Variants in MAPK8 observed in about 807,000 individuals in gnomAD.
MAPK8 encodes JUN N-terminal kinase.
Under a neutral mutation model 52.9 loss-of-function variants are expected in MAPK8, and 13 were observed. The observed-to-expected ratio is 0.25, with a 90% confidence interval of 0.16 to 0.39. The LOEUF (loss-of-function observed/expected upper bound fraction) is 0.39. Among genes scored for constraint, MAPK8 ranks in the 10% least tolerant of loss-of-function variants. The pLI is 1.00. For missense variants in MAPK8, 300 were observed against 519.2 expected, an observed-to-expected ratio of 0.58 and a Z score of 4.10; for synonymous variants, 191 against 169.8, an observed-to-expected ratio of 1.12 and a Z score of -0.97.
intron 1 of MAPK8, among the ~76,000 whole-genome samples, chr10:48,393,811 T>C (rs2041750626): frequency 6.6e-6 from 1 of 151,578 alleles, no homozygotes; most frequent in Non-Finnish European, 1.5e-5. Context: ...AAACAAGCAA[T>C]GAGAAGAAAA....
At chr10:48,362,132 C>G (rs1645525564) in intron 1 of MAPK8, among the ~76,000 whole-genome samples, 1 of 152,100 alleles carries the variant, frequency 6.6e-6, no homozygotes. Context: ...TTTATGAAAC[C>G]TGTATGCCCA....
chr10:48,348,896 A>G (rs1846035513), intron 1 of MAPK8, among the ~76,000 whole-genome samples: 1 of 151,242 alleles, frequency 6.6e-6, no homozygotes, highest in Non-Finnish European at 1.5e-5. Context: ...GTGCAAAGAC[A>G]CTCATAGGCT....
At chr10:48,329,608 T>C (rs1279551533) in intron 1 of MAPK8, among the ~76,000 whole-genome samples, 1 of 152,178 alleles carries the variant, frequency 6.6e-6, no homozygotes, top group African/African-American at 2.4e-5. Context: ...AAACACTTCA[T>C]AAGGCACAGA....
At chr10:48,348,619 C>T (rs1388918269) in intron 1 of MAPK8, among the ~76,000 whole-genome samples, 10 of 152,154 alleles carry the variant, frequency 6.6e-5, no homozygotes, top group African/African-American at 2.4e-4. Context: ...AGCCAGTTTT[C>T]CCAACACCAT....
At chr10:48,383,365 A>C (rs1384292018) in intron 1 of MAPK8, among the ~76,000 whole-genome samples, 1 of 152,242 alleles carries the variant, frequency 6.6e-6, no homozygotes, top group Non-Finnish European at 1.5e-5. Context: ...GGAAATCAAA[A>C]GCTGTTCATG....
At chr10:48,321,971 T>TA (rs1218700340) in intron 1 of MAPK8, among the ~76,000 whole-genome samples, 3 of 152,226 alleles carry the variant, frequency 2.0e-5, no homozygotes, top group African/African-American at 2.4e-5. Context: ...GGTGTGTGTG[T>TA]AATGGGTTAT....
At chr10:48,415,525 A>C (rs1449531455) in intron 5 of MAPK8, among the ~76,000 whole-genome samples, 5 of 152,226 alleles carry the variant, frequency 3.3e-5, no homozygotes. Flanking sequence ...TTGGCAGCAC[A>C]CAAGGCTCAA....
At chr10:48,403,907 C>A (rs2042298597) in intron 2 of MAPK8, among the ~76,000 whole-genome samples, 1 of 131,116 alleles carries the variant, frequency 7.6e-6, no homozygotes, top group South Asian at 2.4e-4. Context: ...TGCCACCACG[C>A]CCGGCTAATT....
intron 5 of MAPK8, among the ~76,000 whole-genome samples, chr10:48,413,395 A>T (rs541858749): frequency 1.3e-5 from 2 of 152,276 alleles, no homozygotes; most frequent in South Asian, 4.1e-4. Context: ...ACCATTTTAC[A>T]TTCCCACCAG....
rs370242597 is a variant in MAPK8 at position 48,383,169 on chromosome 10, A to G, written c.-49-18443A>G. Among the ~76,000 whole-genome samples the G allele has an allele frequency of 6.6e-5, 10 of 152,058 alleles. No individual in the cohort carries two copies. The East Asian group carries it at 1.2e-3, about 18-fold the overall frequency. On this transcript the variant is annotated intron_variant, in intron 1 of 11. Transcript: ENST00000374189. ...CCAATAAGCCTTAAGAAAAATTTTT[A>G]TGACTTGACCAAGGATGCACAAGCC...
intron 1 of MAPK8, among the ~76,000 whole-genome samples, chr10:48,399,575 C>A (rs1329169832): frequency 6.6e-6 from 1 of 152,186 alleles, no homozygotes; most frequent in East Asian, 1.9e-4. Flanking sequence ...AGGAGCTTTT[C>A]CTTGCTGTTA....
intron 1 of MAPK8, among the ~76,000 whole-genome samples, chr10:48,326,955 G>GT (rs1017536757): frequency 6.6e-6 from 1 of 151,174 alleles, no homozygotes. Context: ...TTGTTTGTTT[G>GT]TTTTTTGTTG....
chr10:48,345,870 G>C lies in MAPK8; in HGVS notation c.-50+39049G>C, dbSNP rs1845721865. Among the ~76,000 whole-genome samples, 7 of 152,324 alleles carry C rather than the reference G, an allele frequency of 4.6e-5. No individual in the cohort carries two copies. The South Asian group carries it at 1.5e-3, about 32-fold the overall frequency. On this transcript the variant is annotated intron_variant, in intron 1 of 11. Transcript: ENST00000374189. ...GCTCTTTAGCTGGGGACCAGGAAAA[G>C]GGTAGCCTAGCAAGACAGAAAATAA...
At chr10:48,354,083 CTG>C (rs1393205985) in intron 1 of MAPK8, among the ~76,000 whole-genome samples, 4 of 152,110 alleles carry the variant, frequency 2.6e-5, no homozygotes, top group Non-Finnish European at 5.9e-5. Context: ...ATGGGAGAAA[CTG>C]GGTGCAGGGT....
chr10:48,350,523 G>A (rs531539835), intron 1 of MAPK8, among the ~76,000 whole-genome samples: 44 of 152,262 alleles, frequency 2.9e-4, no homozygotes, highest in Middle Eastern at 3.4e-3. Context: ...AAAACCACAT[G>A]ATTATCTCAA....
chr10:48,388,909 G>A (rs2041471694), intron 1 of MAPK8, among the ~76,000 whole-genome samples: 1 of 152,084 alleles, frequency 6.6e-6, no homozygotes, highest in Non-Finnish European at 1.5e-5. Context: ...TTAGTAGGCA[G>A]TCTCCTAAGG....
At chr10:48,363,159 C>T (rs995124222) in intron 1 of MAPK8, among the ~76,000 whole-genome samples, 4 of 151,668 alleles carry the variant, frequency 2.6e-5, no homozygotes, top group Admixed American at 2.0e-4. Context: ...GCCATCCTCA[C>T]GCCTCAGCCT....
At chr10:48,408,028 T>C (rs2042561553) in intron 3 of MAPK8, among the ~76,000 whole-genome samples, 1 of 152,198 alleles carries the variant, frequency 6.6e-6, no homozygotes, top group African/African-American at 2.4e-5. Flanking sequence ...GGTGTATTAT[T>C]TTTCCGAATT....
At chr10:48,371,763 A>G (rs140000267) in intron 1 of MAPK8, among the ~76,000 whole-genome samples, 9 of 152,262 alleles carry the variant, frequency 5.9e-5, no homozygotes, top group African/African-American at 9.6e-5. Flanking sequence ...TGCCAGTCAC[A>G]GGCATAAGTT....
Sources: allele counts gnomAD v4.1 joint callset (sites outside exome capture counted in the v4.1 genomes callset), GRCh38; gene constraint gnomAD v4.1.1; transcripts MANE v1.5; gene names NCBI Gene and HGNC (gene_info 2026-07-23, HGNC 2026-07-21).